Variants in TNRC6C observed in about 807,000 individuals in gnomAD.
TNRC6C encodes the protein trinucleotide repeat-containing gene 6C protein.
TNRC6C carries 20 observed loss-of-function variants against 153.7 expected under a neutral mutation model. The observed-to-expected ratio is 0.13, with a 90% CI of 0.09 to 0.19. TNRC6C has a LOEUF of 0.19. Among genes scored for constraint, TNRC6C ranks in the 10% least tolerant of loss-of-function variants. TNRC6C has a pLI of 1.00. For synonymous variants in TNRC6C, 811 were observed against 841.4 expected (o/e 0.96, Z 0.63); for missense variants, 1,987 against 2,172.0 (o/e 0.91, Z 1.69).
At chr17:78,002,444 G>A (rs2071426924), upstream of TNRC6C, among the ~76,000 whole-genome samples, 1 of 152,180 alleles carries the variant, frequency 6.6e-6, no homozygotes, top group Non-Finnish European at 1.5e-5. Context: ...CCAGCGCCCA[G>A]GCAGATGCAG....
At chr17:78,008,011 A>G (rs1442800209) in intron 1 of TNRC6C, among the ~76,000 whole-genome samples, 1 of 152,196 alleles carries the variant, frequency 6.6e-6, no homozygotes, top group African/African-American at 2.4e-5. Context: ...TGACATGCTC[A>G]TCTATGATAC....
At chr17:78,030,155 T>G (rs1027628207) in intron 1 of TNRC6C, among the ~76,000 whole-genome samples, 1 of 152,234 alleles carries the variant, frequency 6.6e-6, no homozygotes, top group Admixed American at 6.5e-5. Flanking sequence ...CTAGACTTTT[T>G]TTTTTGTTTT....
At chr17:78,004,447 G>A (rs1240536313), upstream of TNRC6C, among the ~76,000 whole-genome samples, 1 of 152,174 alleles carries the variant, frequency 6.6e-6, no homozygotes, top group Non-Finnish European at 1.5e-5. Context: ...AGCCGTAAAT[G>A]TCTAACTTGG....
chr17:78,046,260 C>T (rs1235785803), intron 2 of TNRC6C, among the ~76,000 whole-genome samples: 1 of 151,642 alleles, frequency 6.6e-6, no homozygotes, highest in Non-Finnish European at 1.5e-5. Flanking sequence ...CGGCTCACTG[C>T]AACCTCCACC....
At chr17:78,078,173 C>T (rs550373789) in intron 9 of TNRC6C, among the ~76,000 whole-genome samples, 12 of 152,268 alleles carry the variant, frequency 7.9e-5, no homozygotes, top group Middle Eastern at 3.4e-3. Flanking sequence ...CTGACATTGC[C>T]CCCTTGGTGG....
At chr17:77,984,944 C>A (rs1283177514) in intron 1 of TNRC6C, among the ~76,000 whole-genome samples, 1 of 152,170 alleles carries the variant, frequency 6.6e-6, no homozygotes, top group Non-Finnish European at 1.5e-5. Context: ...AAAAACATAA[C>A]CACCTTTTAC....
At chr17:78,101,863 C>G (rs1437986426) in intron 17 of TNRC6C, among the ~76,000 whole-genome samples, 4 of 152,144 alleles carry the variant, frequency 2.6e-5, no homozygotes, top group Non-Finnish European at 5.9e-5. Flanking sequence ...CCACAACCTT[C>G]CAGCATGGGC....
intron 10 of TNRC6C, among the ~76,000 whole-genome samples, chr17:78,080,252 G>C (rs1264169693): frequency 2.0e-5 from 3 of 152,150 alleles, no homozygotes; most frequent in African/African-American, 7.2e-5. Context: ...TTCGAGACCA[G>C]CCTGGCCAAT....
intron 1 of TNRC6C, among the ~76,000 whole-genome samples, chr17:77,984,101 C>G (rs183106281): frequency 1.3e-5 from 2 of 152,286 alleles, no homozygotes; most frequent in East Asian, 3.9e-4. Flanking sequence ...AATCCACATC[C>G]ATTTATGCCC....
Position 78,089,789 on chromosome 17 carries a change from T to A in TNRC6C, c.3803-1651T>A, listed in dbSNP as rs117114166. Among the ~76,000 whole-genome samples the A allele has an allele frequency of 7.5e-4, 114 of 152,258 alleles. 1 individual carries two copies. The highest frequency in any genetic ancestry group is 2.1e-3 in the Admixed American group (32 of 15,290). On this transcript the variant is annotated intron_variant, in intron 13 of 19. Coordinates refer to ENST00000301624, the Ensembl canonical transcript of TNRC6C. ...GGATTAAGCTTGAACCTCAAATGAT[T>A]GGATAGGATTACAGTAAATAAAGAG...
chr17:78,041,907 G>A (rs1197426997), intron 2 of TNRC6C, among the ~76,000 whole-genome samples: 1 of 152,188 alleles, frequency 6.6e-6, no homozygotes, highest in Non-Finnish European at 1.5e-5. Flanking sequence ...GTCAGTGTTA[G>A]TACCAGTACA....
chr17:77,991,851 G>A (rs904684032), intron 1 of TNRC6C, among the ~76,000 whole-genome samples: 5 of 152,294 alleles, frequency 3.3e-5, no homozygotes, highest in East Asian at 3.9e-4. Context: ...GGGATACAGC[G>A]TGGTATGGAT....
chr17:77,975,838 T>C (rs1362452108), intron 1 of TNRC6C, among the ~76,000 whole-genome samples: 1 of 152,222 alleles, frequency 6.6e-6, no homozygotes, highest in East Asian at 1.9e-4. Flanking sequence ...GATACCATCT[T>C]ATAGGAGAAT....
At chr17:78,051,934 G>A (rs753609844) in intron 3 of TNRC6C, among the ~76,000 whole-genome samples, 2 of 152,202 alleles carry the variant, frequency 1.3e-5, no homozygotes, top group East Asian at 1.9e-4. Flanking sequence ...TCCCAGATAC[G>A]GAAGACCAGT....
chr17:78,078,034 G>A (rs979929387), intron 9 of TNRC6C, among the ~76,000 whole-genome samples: 2 of 152,138 alleles, frequency 1.3e-5, no homozygotes, highest in African/African-American at 2.4e-5. Context: ...ACACCGCTTG[G>A]AGACATGTCT....
At position 78,103,672 on chromosome 17, in the gene TNRC6C, C is replaced by T. The variant is rs1292023927; in HGVS notation, c.4712+119C>T. 4.0e-5 allele frequency: 56 copies of T among 1,399,772 alleles called. 1 individual carries two copies. The highest frequency in any genetic ancestry group is 2.9e-6 in the Non-Finnish European group (3 of 1,042,046). The allele number at this position is 1,399,772 out of a possible 1,614,324, so 86.7% of individuals were successfully genotyped here. A position where few individuals can be genotyped will look rare whatever the true frequency, so the allele number is the denominator to read the frequency against. ...ATAGCAGAATCCCACAGGCTGGCCA[C>T]CCTCCCACTTCTGGAGGCTGGAAGT... On this transcript the variant is annotated intron_variant, in intron 19 of 19. Transcript: ENST00000301624.
At chr17:77,975,868 C>G (rs1406021310) in intron 1 of TNRC6C, among the ~76,000 whole-genome samples, 1 of 152,116 alleles carries the variant, frequency 6.6e-6, no homozygotes, top group African/African-American at 2.4e-5. Flanking sequence ...TGAATAAATG[C>G]ATCTTTATGA....
intron 2 of TNRC6C, among the ~76,000 whole-genome samples, chr17:78,046,438 A>G (rs1229896413): frequency 6.6e-6 from 1 of 152,112 alleles, no homozygotes; most frequent in Non-Finnish European, 1.5e-5. Flanking sequence ...TCGGCCTCCC[A>G]AAGTGCTGGG....
At chr17:78,069,630 G>GTAA (rs1227004552) in intron 5 of TNRC6C, among the ~76,000 whole-genome samples, 2 of 152,182 alleles carry the variant, frequency 1.3e-5, no homozygotes, top group East Asian at 3.9e-4. Context: ...CATTTTTGTA[G>GTAA]TAAAAAGATA....
Sources: allele counts gnomAD v4.1 joint callset (sites outside exome capture counted in the v4.1 genomes callset), GRCh38; gene constraint gnomAD v4.1.1; transcripts MANE v1.5; gene names NCBI Gene and HGNC (gene_info 2026-07-23, HGNC 2026-07-21).